GALNT16: variants seen among roughly 807,000 people sequenced by gnomAD.
GALNT16 encodes the protein UDP-GalNAc:polypeptide N-acetylgalactosaminyltransferase-like protein 1.
GALNT16 carries 40 observed loss-of-function variants against 76.1 expected under a neutral mutation model. That is an observed-to-expected ratio of 0.53 (90% CI 0.41 to 0.68). GALNT16 has a LOEUF of 0.68. Among genes scored for constraint, GALNT16 ranks in the 30% least tolerant of loss-of-function variants. The probability of loss-of-function intolerance (pLI) is 0.00; values close to 1 mark genes in which losing one functional copy is unlikely to be tolerated. For missense variants in GALNT16, 621 were observed against 731.9 expected, an observed-to-expected ratio of 0.85 and a Z score of 1.75; for synonymous variants, 276 against 285.2, an observed-to-expected ratio of 0.97 and a Z score of 0.32.
At chr14:69,262,883 CTTTTTTTTT>C (rs5809423) in intron 1 of GALNT16, among the ~76,000 whole-genome samples, 1 of 138,938 alleles carries the variant, frequency 7.2e-6, no homozygotes, top group South Asian at 2.3e-4. Flanking sequence ...TTCTTTTTTT[CTTTTTTTTT>C]TTTTTGAGAT....
In GALNT16 at chr14:69,333,312, C is replaced by A; in HGVS notation, c.863+143C>A. On this transcript the variant is annotated intron_variant, in intron 8 of 14. Coordinates refer to ENST00000448469, the MANE Select transcript of GALNT16 (RefSeq NM_001168368.2). The surrounding 1 kb of genome is among the most constrained non-coding windows in gnomAD (Gnocchi z 4.2). The stretch of plus-strand genomic sequence containing the variant: ...GTTCTGGGCCTTCGGACCCTGTATG[C>A]AGGGACAGCGAGGACAGAGGCCACG... 1 of 701,880 alleles carries A rather than the reference C, an allele frequency of 1.4e-6. No homozygotes were observed. Among genetic ancestry groups the A allele is most frequent in the Non-Finnish European group, 2.5e-6 (1 of 401,490 alleles). The allele number at this position is 701,880 out of a possible 1,614,324, so 43.5% of individuals were successfully genotyped here.
chr14:69,347,293 A>C lies in GALNT16; in HGVS notation c.1413+112A>C, dbSNP rs2045578693. 7.7e-6 allele frequency: 9 copies of C among 1,166,120 alleles called. No individual in the cohort carries two copies. The South Asian group carries it at 1.5e-4, about 19-fold the overall frequency. 72.2% of individuals were successfully genotyped at this position (1,166,120 alleles called of 1,614,324 possible). ...CCTCCTCTGTCTACATCTTACACAA[A>C]CCCACTTTGCCAGGGGCCCCTAGAC... On this transcript the variant is annotated intron_variant, in intron 13 of 14. Coordinates refer to ENST00000448469, the MANE Select transcript of GALNT16 (RefSeq NM_001168368.2).
chr14:69,344,169 G>A (rs1272239407), intron 12 of GALNT16, among the ~76,000 whole-genome samples: 1 of 152,204 alleles, frequency 6.6e-6, no homozygotes, highest in Non-Finnish European at 1.5e-5. Flanking sequence ...AGAGGCTTTT[G>A]CTTTCCTAGG....
At chr14:69,350,972 T>C (rs2045628804) in intron 14 of GALNT16, 1 of 152,386 alleles carries the variant, frequency 6.6e-6, no homozygotes, top group Non-Finnish European at 1.5e-5. Flanking sequence ...ACTTCCGTAA[T>C]GTTCTACAGG....
chr14:69,371,203 G>A, the GALNT16 span, among the ~76,000 whole-genome samples: 10 of 152,126 alleles, frequency 6.6e-5, no homozygotes, highest in East Asian at 1.9e-4. Flanking sequence ...GTAACTTCAC[G>A]GTAACATGAA....
In GALNT16 at chr14:69,352,221, G is replaced by A. The variant is rs2045647030; in HGVS notation, c.*53G>A. ...TTGCATGAGACTTCGGGACCGGAAG[G>A]GGGTTAGGGTGGGGGAGTGCAAAGT... On this transcript the variant is annotated 3_prime_UTR_variant, in exon 15 of 15. Transcript: ENST00000448469. The A allele has an allele frequency of 1.3e-6, 2 of 1,521,686 alleles. No homozygotes were observed. Among genetic ancestry groups the A allele is most frequent in the East Asian group, 2.3e-5 (1 of 43,534 alleles). 94.3% of individuals were successfully genotyped at this position (1,521,686 alleles called of 1,614,324 possible). A position where few individuals can be genotyped will look rare whatever the true frequency, so the allele number is the denominator to read the frequency against.
At chr14:69,303,463 GC>G (rs1278353775) in intron 1 of GALNT16, among the ~76,000 whole-genome samples, 4 of 152,126 alleles carry the variant, frequency 2.6e-5, no homozygotes, top group Admixed American at 6.5e-5. Context: ...CATTAAAGTA[GC>G]AGTAAGCTGT....
At chr14:69,370,440 G>T in the GALNT16 span, among the ~76,000 whole-genome samples, 1 of 152,236 alleles carries the variant, frequency 6.6e-6, no homozygotes, top group Non-Finnish European at 1.5e-5. Flanking sequence ...CTATGGAGGA[G>T]TAAGGATCAT....
chr14:69,301,776 C>T (rs187005334), intron 1 of GALNT16, among the ~76,000 whole-genome samples: 1 of 152,232 alleles, frequency 6.6e-6, no homozygotes, highest in East Asian at 1.9e-4. Flanking sequence ...ATGATTTGAG[C>T]TCAGGAGTTT....
At chr14:69,315,170 A>T (rs896252007) in intron 1 of GALNT16, among the ~76,000 whole-genome samples, 2 of 152,336 alleles carry the variant, frequency 1.3e-5, no homozygotes, top group South Asian at 2.1e-4. Context: ...TGGAAAAAAA[A>T]ACTGAAGCAA....
At chr14:69,294,756 A>G (rs866561159) in intron 1 of GALNT16, among the ~76,000 whole-genome samples, 61 of 151,972 alleles carry the variant, frequency 4.0e-4, no homozygotes, top group African/African-American at 1.4e-3. Flanking sequence ...TTAAATATTT[A>G]TTTACTTTTA....
chr14:69,336,578 A>G (rs990360479), intron 9 of GALNT16, among the ~76,000 whole-genome samples: 2 of 152,092 alleles, frequency 1.3e-5, no homozygotes, highest in Admixed American at 1.3e-4. Context: ...TCCCCTCATC[A>G]GCCTGGTTTA....
chr14:69,351,993 T>A, intron 14 of GALNT16, 38 bp from the exon 15 acceptor site: 18 of 1,563,428 alleles, frequency 1.2e-5, no homozygotes, highest in Non-Finnish European at 1.6e-5. Flanking sequence ...AATCATTGTT[T>A]TCTCCTTCCT....
At chr14:69,358,225 G>T (rs2045704690), downstream of GALNT16, 1 of 152,254 alleles carries the variant, frequency 6.6e-6, no homozygotes, top group Admixed American at 6.5e-5. Flanking sequence ...GGAGACAGTT[G>T]CTCTAGGGCC....
At chr14:69,273,541 G>A (rs943444493) in intron 1 of GALNT16, among the ~76,000 whole-genome samples, 3 of 152,198 alleles carry the variant, frequency 2.0e-5, no homozygotes, top group African/African-American at 7.2e-5. Flanking sequence ...CCTGCATTAG[G>A]TGAGGTTGTC....
At position 69,333,454 on chromosome 14, in the gene GALNT16, T is replaced by C; in HGVS notation, c.864-43T>C. ...GGGGCCATCTAAAGGGCCTCCTTGC[T>C]TCTCCAGCTCACGTGTTGCGTCTTC... is the stretch of plus-strand genomic sequence containing the variant. On this transcript the variant is annotated intron_variant, in intron 8 of 14. Coordinates refer to ENST00000448469, the MANE Select transcript of GALNT16 (RefSeq NM_001168368.2). This position sits in a 1 kb window ranked among gnomAD's most constrained non-coding sequence, Gnocchi z 4.2. 8.1e-7 allele frequency: 1 copy of C among 1,234,868 alleles called. No individual in the cohort carries two copies. The highest frequency in any genetic ancestry group is 1.2e-6 in the Non-Finnish European group (1 of 835,304). 76.5% of individuals were successfully genotyped at this position (1,234,868 alleles called of 1,614,324 possible).
downstream of GALNT16, chr14:69,359,344 T>C (rs2045710425): frequency 6.6e-6 from 1 of 152,246 alleles, no homozygotes; most frequent in African/African-American, 2.4e-5. Flanking sequence ...TGTCTTTTAA[T>C]GATAAAGCAT....
chr14:69,326,183 C>T (rs74059962), intron 5 of GALNT16, among the ~76,000 whole-genome samples, 156 bp downstream of exon 5: 5,518 of 152,254 alleles, frequency 0.036, 355 homozygotes, highest in African/African-American at 0.13. Flanking sequence ...TCTCCTCCTT[C>T]CCAGATCAGC....
intron 1 of GALNT16, among the ~76,000 whole-genome samples, chr14:69,286,175 G>A (rs748042212): frequency 3.3e-5 from 5 of 152,168 alleles, no homozygotes; most frequent in Non-Finnish European, 7.3e-5. Flanking sequence ...TAGGGCACGC[G>A]GGACAAGGGC....
Sources: gnomAD v4.1 joint callset for allele counts (sites outside exome capture counted in the v4.1 genomes callset) on GRCh38, gnomAD v4.1.1 for gene constraint, Gnocchi (gnomAD v3.1) non-coding constraint, MANE v1.5 for transcripts, NCBI Gene and HGNC (gene_info 2026-07-23, HGNC 2026-07-21) for gene names.